Variants in FGF12 observed in about 807,000 individuals in gnomAD.
FGF12 encodes fibroblast growth factor 12B.
FGF12 carries 14 observed loss-of-function variants against 23.6 expected under a neutral mutation model. The ratio of observed to expected loss-of-function variants is 0.59; its 90% CI spans 0.39 to 0.93. The LOEUF is 0.93. Among genes scored for constraint, FGF12 ranks in the 40% least tolerant of loss-of-function variants. The probability of loss-of-function intolerance (pLI) is 0.00; values close to 1 mark genes in which losing one functional copy is unlikely to be tolerated. For missense variants in FGF12, 175 were observed against 217.8 expected, an observed-to-expected ratio of 0.80 and a Z score of 1.24; for synonymous variants, 62 against 77.3, an observed-to-expected ratio of 0.80 and a Z score of 1.04.
chr3:192,573,522 G>A (rs760364356), intron 2 of FGF12, among the ~76,000 whole-genome samples: 8 of 152,070 alleles, frequency 5.3e-5, no homozygotes, highest in Non-Finnish European at 1.2e-4. Context: ...CCTTTGAACT[G>A]GAGCATCAAC....
chr3:192,267,447 AT>A (rs1713152857), intron 4 of FGF12, among the ~76,000 whole-genome samples: 1 of 152,206 alleles, frequency 6.6e-6, no homozygotes, highest in South Asian at 2.1e-4. Flanking sequence ...TGAGAGTTTA[AT>A]AAAAGACTAT....
chr3:192,170,653 C>T lies in FGF12; in HGVS notation c.232G>A (p.Val78Ile), dbSNP rs1291475870. The T allele has an allele frequency of 6.6e-7, 1 of 1,521,808 alleles. No homozygotes were observed. The highest frequency in any genetic ancestry group is 8.8e-7 in the Non-Finnish European group (1 of 1,134,054). 94.3% of individuals were successfully genotyped at this position (1,521,808 alleles called of 1,614,324 possible). The change falls in exon 5 of 6, where the codon GTT (valine) becomes ATT (isoleucine). Residue 78 changes from valine to isoleucine, a missense_variant. Physicochemically the swap from Val to Ile is conservative, Grantham distance 29. Transcript: ENST00000445105. ...TTGAATTTGCATTCTGGAGTGAAAA[C>T]ATCCTGTAGGAAAAAAAAAAAAAGA... ...NGEGYLYSSD[V>I]FTPECKFKES...
chr3:192,170,578 G>A lies in FGF12; in HGVS notation c.307C>T (p.Arg103Cys), dbSNP rs888792094. ...CAAGCTCGGCCTGATTCTTGCTGGC[G>A]GTACAGTGTGGAAGAATAGATCACA... ...YYVIYSSTLY[R>C]QQESGRAWFL... The change falls in exon 5 of 6, where the codon CGC (arginine) becomes TGC (cysteine). Residue 103 changes from arginine (R) to cysteine (C), a missense_variant. By Grantham distance (180) the Arg-to-Cys change is radical. Transcript: ENST00000445105. The A allele has an allele frequency of 1.9e-6, 3 of 1,613,430 alleles. No homozygotes were observed. The highest frequency in any genetic ancestry group is 2.2e-5 in the East Asian group (1 of 44,870).
intron 4 of FGF12, among the ~76,000 whole-genome samples, chr3:192,216,555 A>G (rs2108567970): frequency 6.6e-6 from 1 of 152,360 alleles, no homozygotes; most frequent in Admixed American, 6.5e-5. Flanking sequence ...TGTAATAAAC[A>G]ATACCTTTAA....
intron 4 of FGF12, among the ~76,000 whole-genome samples, chr3:192,200,004 C>G (rs948453292): frequency 1.3e-5 from 2 of 151,928 alleles, no homozygotes; most frequent in Non-Finnish European, 2.9e-5. Flanking sequence ...CAGAGCAATG[C>G]TAAAGAGGTA....
chr3:192,350,239 G>A (rs914726965), intron 3 of FGF12, among the ~76,000 whole-genome samples: 8 of 152,094 alleles, frequency 5.3e-5, no homozygotes, highest in African/African-American at 1.7e-4. Context: ...TGTACAGTTT[G>A]TTCAGAGAAA....
At chr3:192,489,959 A>G (rs1723750696) in intron 2 of FGF12, among the ~76,000 whole-genome samples, 1 of 152,056 alleles carries the variant, frequency 6.6e-6, no homozygotes, top group Non-Finnish European at 1.5e-5. Flanking sequence ...ACAAACCTAC[A>G]CATGTACCCC....
intron 2 of FGF12, among the ~76,000 whole-genome samples, chr3:192,491,319 A>AG (rs1723795618): frequency 6.6e-6 from 1 of 152,208 alleles, no homozygotes; most frequent in African/African-American, 2.4e-5. Flanking sequence ...GCAATGCACC[A>AG]GATAGATCAG....
chr3:192,453,731 G>C (rs1204438526), intron 2 of FGF12, among the ~76,000 whole-genome samples: 1 of 151,954 alleles, frequency 6.6e-6, no homozygotes, highest in Admixed American at 6.6e-5. Context: ...TGCTTGGCTT[G>C]GGCTCAGCTC....
chr3:192,430,023 C>T (rs1576975954), intron 2 of FGF12, among the ~76,000 whole-genome samples: 1 of 152,070 alleles, frequency 6.6e-6, no homozygotes, highest in Non-Finnish European at 1.5e-5. Flanking sequence ...AAGATAATCT[C>T]ATTTTGGAAG....
At chr3:192,503,974 A>G (rs1724214035) in intron 2 of FGF12, among the ~76,000 whole-genome samples, 1 of 152,104 alleles carries the variant, frequency 6.6e-6, no homozygotes, top group Non-Finnish European at 1.5e-5. Context: ...GATAAAGAAA[A>G]TGTGGTACAT....
chr3:192,459,447 T>C (rs932195790), intron 2 of FGF12, among the ~76,000 whole-genome samples: 2 of 152,238 alleles, frequency 1.3e-5, no homozygotes, highest in African/African-American at 4.8e-5. Flanking sequence ...GCATTTGTTA[T>C]GATGCTACAT....
At chr3:192,165,515 CA>C (rs2108610613) in intron 5 of FGF12, among the ~76,000 whole-genome samples, 1 of 61,680 alleles carries the variant, frequency 1.6e-5, no homozygotes, top group South Asian at 1.2e-3. Context: ...TCATCTGGTC[CA>C]ATTTTTTTTT....
intron 2 of FGF12, among the ~76,000 whole-genome samples, chr3:192,510,665 C>A (rs1460911158): frequency 6.6e-6 from 1 of 152,168 alleles, no homozygotes; most frequent in Non-Finnish European, 1.5e-5. Context: ...AAAACATGCA[C>A]AAGGATGTTT....
intron 2 of FGF12, among the ~76,000 whole-genome samples, chr3:192,444,369 G>A (rs1017615173): frequency 7.2e-5 from 11 of 152,068 alleles, no homozygotes; most frequent in African/African-American, 2.7e-4. Flanking sequence ...TTTATTAGAA[G>A]GATTCCATGC....
At chr3:192,538,019 T>G (rs112080187) in intron 2 of FGF12, among the ~76,000 whole-genome samples, 1 of 146,938 alleles carries the variant, frequency 6.8e-6, no homozygotes, top group African/African-American at 2.5e-5. Flanking sequence ...CGATCTCGGC[T>G]CACTGCAACC....
At chr3:192,633,345 C>T (rs1715462446) in intron 2 of FGF12, among the ~76,000 whole-genome samples, 1 of 152,132 alleles carries the variant, frequency 6.6e-6, no homozygotes, top group Non-Finnish European at 1.5e-5. Flanking sequence ...CGCGCCCGGC[C>T]TCTCCTCGTC....
chr3:192,462,620 T>C (rs1415041617), intron 2 of FGF12, among the ~76,000 whole-genome samples: 4 of 152,108 alleles, frequency 2.6e-5, no homozygotes, highest in East Asian at 3.9e-4. Flanking sequence ...CAACAGAAAA[T>C]AGACTGACAC....
At chr3:192,145,132 C>T (rs527447392) in intron 5 of FGF12, among the ~76,000 whole-genome samples, 2 of 152,304 alleles carry the variant, frequency 1.3e-5, no homozygotes, top group African/African-American at 2.4e-5. Context: ...GGATCCACAC[C>T]CTGACTCAGC....
Sources: allele counts gnomAD v4.1 joint callset (sites outside exome capture counted in the v4.1 genomes callset), GRCh38; gene constraint gnomAD v4.1.1; transcripts MANE v1.5; gene names NCBI Gene and HGNC (gene_info 2026-07-23, HGNC 2026-07-21).